The following ABHD12 variants were observed in gnomAD, a reference collection of about 807,000 sequenced individuals.
ABHD12 encodes abhydrolase domain containing 12, lysophospholipase.
ABHD12 carries 43 observed loss-of-function variants against 58.3 expected under a neutral mutation model. That is an observed-to-expected ratio of 0.74 (90% CI 0.58 to 0.95). The LOEUF (loss-of-function observed/expected upper bound fraction) is 0.95, where lower values mean the gene tolerates loss of function less well. Ranked by LOEUF, ABHD12 falls within the 40% of genes least tolerant of loss-of-function variation. The pLI is 0.00. For synonymous variants in ABHD12, 219 were observed against 211.2 expected (o/e 1.04, Z -0.32); for missense variants, 539 against 537.2 (o/e 1.00, Z -0.03).
intron 2 of ABHD12, among the ~76,000 whole-genome samples, chr20:25,326,029 C>T (rs1183168966): frequency 6.7e-6 from 1 of 149,006 alleles, no homozygotes; most frequent in Non-Finnish European, 1.5e-5. Context: ...TGAGATCATG[C>T]CACTTCACTC....
In ABHD12 at chr20:25,309,547, A is replaced by T; in HGVS notation, c.648T>A (p.Ser216=). 6.2e-7 allele frequency: 1 copy of T among 1,614,178 alleles called. No individual in the cohort carries two copies. The highest frequency in any genetic ancestry group is 8.5e-7 in the Non-Finnish European group (1 of 1,180,008). ...GTGCGTCATAGGTCATGCCCCGCTC[A>T]GATGGCGTTCCCACTGAGTCACCCC... is the stretch of plus-strand genomic sequence containing the variant. The part of the protein sequence containing the change: ...RGWGDSVGTP[S]ERGMTYDALH... Residue 216 remains serine, a synonymous_variant, in exon 7 of 13, where the codon TCT becomes TCA. Transcript: ENST00000339157.
chr20:25,298,215 G>GCAT (rs1555809601), downstream of ABHD12, among the ~76,000 whole-genome samples: 10 of 152,272 alleles, frequency 6.6e-5, no homozygotes, highest in East Asian at 3.9e-4. Context: ...AGAAAAGTTT[G>GCAT]CATCTCCACT....
chr20:25,300,624 A>G lies in ABHD12; in HGVS notation c.*221T>C, dbSNP rs2145913438. On this transcript the variant is annotated 3_prime_UTR_variant, in exon 13 of 13. Coordinates refer to ENST00000339157, the MANE Select transcript of ABHD12 (RefSeq NM_001042472.3). Reference sequence around the variant, plus strand: ...GTTGAGGGGCGGCAAGGAGAGCCACATGCCTGCCACCCACGCTTTCCACAC... The same window carrying G: ...GTTGAGGGGCGGCAAGGAGAGCCACGTGCCTGCCACCCACGCTTTCCACAC... The G allele has an allele frequency of 1.4e-6, 2 of 1,450,442 alleles. No homozygotes were observed. The highest frequency in any genetic ancestry group is 2.6e-5 in the Admixed American group (1 of 38,672). 89.8% of individuals were successfully genotyped at this position (1,450,442 alleles called of 1,614,324 possible).
In ABHD12 at chr20:25,300,256, G is replaced by T; in HGVS notation, c.*589C>A. ...TATTCTTAAATAAAGCTCAGTCTAA[G>T]GCCAGGTTAGGTGTACAGGTAGGTG... On this transcript the variant is annotated 3_prime_UTR_variant, in exon 13 of 13. Coordinates refer to ENST00000339157, the MANE Select transcript of ABHD12 (RefSeq NM_001042472.3). 9.9e-7 allele frequency: 1 copy of T among 1,009,810 alleles called. No homozygotes were observed. Among genetic ancestry groups the T allele is most frequent in the Non-Finnish European group, 1.2e-6 (1 of 843,590 alleles). 62.6% of individuals were successfully genotyped at this position (1,009,810 alleles called of 1,614,324 possible).
intron 11 of ABHD12, among the ~76,000 whole-genome samples, chr20:25,302,828 C>G (rs937177328): frequency 3.9e-5 from 6 of 152,190 alleles, no homozygotes; most frequent in African/African-American, 1.4e-4. Flanking sequence ...GCTCCGTCAT[C>G]TGTGTGCCTT....
intron 2 of ABHD12, among the ~76,000 whole-genome samples, chr20:25,328,499 G>A (rs145294925): frequency 1.3e-5 from 2 of 152,338 alleles, no homozygotes; most frequent in Non-Finnish European, 2.9e-5. Flanking sequence ...ACTGAGGGCC[G>A]AGGACACTGG....
chr20:25,313,862 G>C (rs1294387062), intron 6 of ABHD12, among the ~76,000 whole-genome samples: 2 of 152,200 alleles, frequency 1.3e-5, no homozygotes, highest in Non-Finnish European at 2.9e-5. Flanking sequence ...TTAAGCCACA[G>C]TGTCCTTGGT....
downstream of ABHD12, chr20:25,300,117 T>C (rs1016398915): frequency 1.9e-5 from 16 of 864,074 alleles, no homozygotes; most frequent in Non-Finnish European, 2.2e-5. Flanking sequence ...GGCTGAGTCA[T>C]GGAGTGGCTC....
rs1301132231 is a variant in ABHD12 at position 25,309,560 on chromosome 20, A to C, written c.635T>G (p.Val212Gly). Reference sequence around the variant, plus strand: ...CATGCCCCGCTCAGATGGCGTTCCCACTGAGTCACCCCAACCTGGGAGGGA... The same window carrying C: ...CATGCCCCGCTCAGATGGCGTTCCCCCTGAGTCACCCCAACCTGGGAGGGA... ...TFDYRGWGDSVGTPSERGMTY... is the reference protein window; with the variant it reads ...TFDYRGWGDSGGTPSERGMTY... Residue 212 changes from valine (V) to glycine (G), a missense_variant, in exon 7 of 13, where the codon GTG (valine) becomes GGG (glycine). Coordinates refer to ENST00000339157, the MANE Select transcript of ABHD12 (RefSeq NM_001042472.3). The C allele has an allele frequency of 6.2e-7, 1 of 1,614,118 alleles. No individual in the cohort carries two copies. Among genetic ancestry groups the C allele is most frequent in the Non-Finnish European group, 8.5e-7 (1 of 1,179,998 alleles).
At chr20:25,380,322 C>T (rs751020870) in intron 1 of ABHD12, among the ~76,000 whole-genome samples, 11 of 152,114 alleles carry the variant, frequency 7.2e-5, no homozygotes, top group Admixed American at 1.3e-4. Context: ...AATGCAATGG[C>T]GCGATTTTGG....
intron 1 of ABHD12, among the ~76,000 whole-genome samples, chr20:25,369,225 T>C (rs1015189612): frequency 1.3e-5 from 2 of 152,250 alleles, no homozygotes; most frequent in Admixed American, 1.3e-4. Context: ...CATCTATTCA[T>C]GTGCTTATAA....
chr20:25,386,679 G>A (rs547851084), intron 1 of ABHD12, among the ~76,000 whole-genome samples: 13 of 152,176 alleles, frequency 8.5e-5, no homozygotes, highest in Admixed American at 4.6e-4. Context: ...TCAGTAGGTC[G>A]AGTCCAGCCT....
chr20:25,326,554 T>C (rs1290755625), intron 2 of ABHD12, among the ~76,000 whole-genome samples: 3 of 152,256 alleles, frequency 2.0e-5, no homozygotes, highest in East Asian at 1.9e-4. Flanking sequence ...AGATTCCTTA[T>C]GGAACAGAGT....
At chr20:25,294,748 T>C (rs2088513432) in exon 13 of ABHD12, 1 of 637,234 alleles carries the variant, frequency 1.6e-6, no homozygotes, top group African/African-American at 1.8e-5. Context: ...CGATGTGACA[T>C]TATAATGTAG....
intron 1 of ABHD12, among the ~76,000 whole-genome samples, chr20:25,385,903 C>T (rs370727305): frequency 6.6e-6 from 1 of 151,814 alleles, no homozygotes. Context: ...TTGAGACCAT[C>T]CTGGCTAACA....
intron 1 of ABHD12, chr20:25,339,758 G>T: frequency 7.7e-7 from 1 of 1,307,044 alleles, no homozygotes; most frequent in Non-Finnish European, 1.0e-6. Context: ...ACAACTGCAG[G>T]CAGGCGTAGG....
intron 1 of ABHD12, among the ~76,000 whole-genome samples, chr20:25,347,840 T>C (rs1022994523): frequency 3.1e-4 from 47 of 149,526 alleles, no homozygotes; most frequent in African/African-American, 1.1e-3. Context: ...GAAAGGCATA[T>C]CAGAAAAATA....
downstream of ABHD12, chr20:25,295,725 G>A (rs375330538): frequency 8.4e-5 from 127 of 1,518,354 alleles, no homozygotes; most frequent in South Asian, 3.6e-4. Flanking sequence ...CCATGTAGAC[G>A]TGTTGGGTCA....
chr20:25,331,542 G>A (rs1568735223), intron 2 of ABHD12, among the ~76,000 whole-genome samples: 1 of 151,980 alleles, frequency 6.6e-6, no homozygotes, highest in Non-Finnish European at 1.5e-5. Context: ...AAAATGTTAA[G>A]GGCAGCAAGA....
Sources: allele counts gnomAD v4.1 joint callset (sites outside exome capture counted in the v4.1 genomes callset), GRCh38; gene constraint gnomAD v4.1.1; transcripts MANE v1.5; gene names NCBI Gene and HGNC (gene_info 2026-07-23, HGNC 2026-07-21).